Variants in CLSTN2 observed in about 807,000 individuals in gnomAD.
CLSTN2 encodes calsyntenin-2.
In CLSTN2, 48 loss-of-function variants were observed where a neutral mutation model predicts 101.2. The ratio of observed to expected loss-of-function variants is 0.47; its 90% CI spans 0.38 to 0.60. The LOEUF (loss-of-function observed/expected upper bound fraction) is 0.60. Ranked by LOEUF, CLSTN2 falls within the 20% of genes least tolerant of loss-of-function variation. The probability of loss-of-function intolerance (pLI) is 0.00; values close to 1 mark genes in which losing one functional copy is unlikely to be tolerated. For missense variants in CLSTN2, 1,160 were observed against 1,238.2 expected (o/e 0.94, Z 0.95); for synonymous variants, 481 against 463.6 (o/e 1.04, Z -0.48).
At chr3:140,453,635 A>T (rs6791395) in intron 6 of CLSTN2, among the ~76,000 whole-genome samples, 152,223 of 152,316 alleles carry the variant, frequency 1, 76,065 homozygotes, top group Middle Eastern at 1. Context: ...CCCAAAGAAG[A>T]GATAAATATT....
At chr3:139,966,344 A>G (rs1169817789) in intron 1 of CLSTN2, among the ~76,000 whole-genome samples, 1 of 152,206 alleles carries the variant, frequency 6.6e-6, no homozygotes, top group Non-Finnish European at 1.5e-5. Flanking sequence ...CTTAATATGC[A>G]TCTATGATCC....
rs1205757257 is a variant in CLSTN2, at chr3:140,158,383, A to G, written c.110-17568A>G. Reference sequence around the variant, plus strand: ...ACAAAATCTCTGTACAAAAGCCAGTAGAATTTCCATATACCAATAACATTC... The same window carrying G: ...ACAAAATCTCTGTACAAAAGCCAGTGGAATTTCCATATACCAATAACATTC... On this transcript the variant is annotated intron_variant, in intron 1 of 16. Transcript: ENST00000458420. Among the ~76,000 whole-genome samples, 4 of 151,956 alleles carry G rather than the reference A, an allele frequency of 2.6e-5. No individual in the cohort carries two copies. In the South Asian group the frequency reaches 6.2e-4, roughly 24 times the overall value.
At chr3:140,110,263 G>A (rs751422240) in intron 1 of CLSTN2, among the ~76,000 whole-genome samples, 9 of 152,048 alleles carry the variant, frequency 5.9e-5, no homozygotes, top group Non-Finnish European at 2.9e-5. Flanking sequence ...ATGTTAAGAC[G>A]ACCAACATCT....
chr3:140,278,108 C>T (rs948408706), intron 2 of CLSTN2, among the ~76,000 whole-genome samples: 1 of 152,216 alleles, frequency 6.6e-6, no homozygotes, highest in Non-Finnish European at 1.5e-5. Flanking sequence ...TTAGAGTAGT[C>T]TGAGGGGGCT....
chr3:140,298,782 G>C (rs1344420312), intron 2 of CLSTN2, among the ~76,000 whole-genome samples: 1 of 152,214 alleles, frequency 6.6e-6, no homozygotes, highest in Non-Finnish European at 1.5e-5. Flanking sequence ...AATGAGAACA[G>C]AATGCATGGT....
intron 2 of CLSTN2, among the ~76,000 whole-genome samples, chr3:140,312,367 G>A (rs2087177557): frequency 6.6e-6 from 1 of 152,168 alleles, no homozygotes; most frequent in African/African-American, 2.4e-5. Context: ...GTTAGCACTG[G>A]GCCCTTGACC....
chr3:140,358,051 C>T (rs532626641), intron 2 of CLSTN2, among the ~76,000 whole-genome samples: 13 of 152,186 alleles, frequency 8.5e-5, no homozygotes, highest in Non-Finnish European at 1.3e-4. Flanking sequence ...GTCTTTGATC[C>T]TCCATCAGAG....
chr3:140,484,141 CTT>C (rs1328810119), intron 8 of CLSTN2, among the ~76,000 whole-genome samples: 1 of 152,140 alleles, frequency 6.6e-6, no homozygotes, highest in Non-Finnish European at 1.5e-5. Context: ...TTCAGGAGCT[CTT>C]TTACGGCAGG....
chr3:140,043,072 A>G (rs1364888808), intron 1 of CLSTN2, among the ~76,000 whole-genome samples: 1 of 152,166 alleles, frequency 6.6e-6, no homozygotes, highest in Non-Finnish European at 1.5e-5. Context: ...TGGTATGTCT[A>G]GTTCTAGATC....
chr3:140,456,410 A>C (rs909606007), intron 6 of CLSTN2, among the ~76,000 whole-genome samples: 5 of 152,226 alleles, frequency 3.3e-5, no homozygotes, highest in African/African-American at 1.2e-4. Context: ...ACTAAAAAGC[A>C]TGTGTAAGGC....
chr3:140,065,414 T>G (rs576007434), intron 1 of CLSTN2, among the ~76,000 whole-genome samples: 2 of 152,360 alleles, frequency 1.3e-5, no homozygotes, highest in South Asian at 2.1e-4. Flanking sequence ...TTAGAAGTTT[T>G]GAGCACTTGT....
intron 1 of CLSTN2, among the ~76,000 whole-genome samples, chr3:140,011,443 G>A (rs1435153545): frequency 6.6e-6 from 1 of 152,064 alleles, no homozygotes; most frequent in African/African-American, 2.4e-5. Context: ...TTTCTCTACC[G>A]CAGATGACCA....
intron 1 of CLSTN2, among the ~76,000 whole-genome samples, chr3:140,004,176 G>A (rs1005060651): frequency 6.6e-6 from 1 of 152,186 alleles, no homozygotes; most frequent in African/African-American, 2.4e-5. Context: ...TAGCCAGGTA[G>A]CCTTCACTGC....
chr3:140,406,412 A>G (rs1488412226), intron 4 of CLSTN2, among the ~76,000 whole-genome samples: 2 of 152,254 alleles, frequency 1.3e-5, no homozygotes, highest in Admixed American at 6.5e-5. Flanking sequence ...AACATGGGGA[A>G]AAGACAATTA....
At chr3:140,456,765 C>T (rs922966313) in intron 6 of CLSTN2, among the ~76,000 whole-genome samples, 20 of 151,128 alleles carry the variant, frequency 1.3e-4, no homozygotes, top group Non-Finnish European at 1.0e-4. Context: ...CTAGCCTGGG[C>T]GAGAGCAAGA....
intron 1 of CLSTN2, among the ~76,000 whole-genome samples, chr3:140,009,592 CAA>C (rs1205122108): frequency 2.0e-5 from 3 of 151,902 alleles, no homozygotes; most frequent in Non-Finnish European, 2.9e-5. Context: ...TGTATTTTTC[CAA>C]GTCAATAAAT....
At chr3:140,366,275 TG>T (rs1414416865) in intron 2 of CLSTN2, among the ~76,000 whole-genome samples, 1 of 152,316 alleles carries the variant, frequency 6.6e-6, no homozygotes, top group East Asian at 1.9e-4. Flanking sequence ...AGACACTGTC[TG>T]GGGGTAGGGA....
At chr3:140,042,673 C>G (rs979937325) in intron 1 of CLSTN2, among the ~76,000 whole-genome samples, 15 of 152,288 alleles carry the variant, frequency 9.8e-5, no homozygotes, top group African/African-American at 3.6e-4. Context: ...TCCCTCCCTC[C>G]TCCCGCTACA....
At chr3:140,437,623 A>C (rs1055110940) in intron 5 of CLSTN2, among the ~76,000 whole-genome samples, 8 of 152,204 alleles carry the variant, frequency 5.3e-5, no homozygotes, top group Non-Finnish European at 1.0e-4. Context: ...TGACAACAGA[A>C]AGAGGCTGGC....
Sources: allele counts gnomAD v4.1 joint callset (sites outside exome capture counted in the v4.1 genomes callset), GRCh38; gene constraint gnomAD v4.1.1; transcripts MANE v1.5; gene names NCBI Gene and HGNC (gene_info 2026-07-23, HGNC 2026-07-21).